Variants in LPCAT2 observed in about 807,000 individuals in gnomAD.
The protein encoded by LPCAT2 is 1-AGP acyltransferase 11.
In LPCAT2, 58 loss-of-function variants were observed where a neutral mutation model predicts 64.7. The ratio of observed to expected loss-of-function variants is 0.90; its 90% CI spans 0.73 to 1.12. The LOEUF (loss-of-function observed/expected upper bound fraction) is 1.12. Ranked by LOEUF, LPCAT2 falls within the 50% of genes most tolerant of loss-of-function variation. The pLI is 0.00. For synonymous variants in LPCAT2, 252 were observed against 245.3 expected (o/e 1.03, Z -0.26); for missense variants, 579 against 669.8 (o/e 0.86, Z 1.50).
intron 1 of LPCAT2, 120 bp downstream of exon 1, chr16:55,509,472 G>A: frequency 9.1e-7 from 1 of 1,095,156 alleles, no homozygotes; most frequent in Non-Finnish European, 1.2e-6. Flanking sequence ...GGGTCTGAGG[G>A]AGTGAGGTGG....
In LPCAT2 at chr16:55,551,040, G is replaced by T. The variant is rs144199464; in HGVS notation, c.1153G>T (p.Ala385Ser). Reference sequence around the variant, plus strand: ...AGGAAGAATTGGAATTGAAGAATTCGCCAAGTATTTAAAGTTGCCTGTTTC... The same window carrying T: ...AGGAAGAATTGGAATTGAAGAATTCTCCAAGTATTTAAAGTTGCCTGTTTC... ...KGGRIGIEEFAKYLKLPVSDV... is the reference protein window; with the variant it reads ...KGGRIGIEEFSKYLKLPVSDV... The change falls in exon 11 of 14, where the codon GCC becomes TCC. Residue 385 changes from alanine to serine, a missense_variant. Physicochemically the swap from Ala to Ser is moderately conservative, Grantham distance 99. Transcript: ENST00000262134. The T allele has an allele frequency of 1.2e-6, 2 of 1,612,832 alleles. No individual in the cohort carries two copies. Among genetic ancestry groups the T allele is most frequent in the Admixed American group, 1.7e-5 (1 of 59,960 alleles).
At chr16:55,577,533 A>T (rs1208696562) in intron 12 of LPCAT2, among the ~76,000 whole-genome samples, 1 of 152,098 alleles carries the variant, frequency 6.6e-6, no homozygotes, top group Non-Finnish European at 1.5e-5. Flanking sequence ...ACCTACCATA[A>T]GACTATTGTG....
In LPCAT2 at chr16:55,532,852, G is replaced by A; in HGVS notation, c.732G>A (p.Gln244=). 3.7e-6 allele frequency: 6 copies of A among 1,612,170 alleles called. No individual in the cohort carries two copies. Among genetic ancestry groups the A allele is most frequent in the Non-Finnish European group, 5.1e-6 (6 of 1,178,766 alleles). ...PGAFIPGVPV[Q]PVLLRYPNKL... ...CCTTCATTCCAGGAGTTCCAGTGCA[G>A]CCAGTCCTCCTCAGATACCCAAACA... is the stretch of plus-strand genomic sequence containing the variant. The change falls in exon 6 of 14, where the codon CAG becomes CAA. Residue 244 remains glutamine (Q), a synonymous_variant. Transcript: ENST00000262134.
intron 13 of LPCAT2, among the ~76,000 whole-genome samples, 184 bp downstream of exon 13, chr16:55,579,428 T>C (rs537427427): frequency 2.0e-5 from 3 of 152,330 alleles, no homozygotes; most frequent in Non-Finnish European, 2.9e-5. Flanking sequence ...TGAGGACTTA[T>C]ATGCTAGGCA....
At chr16:55,542,007 A>G (rs534601108) in intron 8 of LPCAT2, 1 of 1,150,550 alleles carries the variant, frequency 8.7e-7, no homozygotes, top group East Asian at 6.0e-5. Context: ...GGAAAAAATA[A>G]AAGATTGATT....
At chr16:55,546,089 G>A in intron 9 of LPCAT2, among the ~76,000 whole-genome samples, 1 of 152,028 alleles carries the variant, frequency 6.6e-6, no homozygotes, top group East Asian at 1.9e-4. Flanking sequence ...CCTTGCACAG[G>A]GTGGATTCTC....
At position 55,578,828 on chromosome 16, in the gene LPCAT2, G is replaced by A. The variant is rs1037310154; in HGVS notation, c.1315-281G>A. On this transcript the variant is annotated intron_variant, in intron 12 of 13. Coordinates refer to ENST00000262134, the MANE Select transcript of LPCAT2 (RefSeq NM_017839.5). The stretch of plus-strand genomic sequence containing the variant: ...CAACTCAAATGTCAACTCCTATGAA[G>A]CCTTCTTGGACCTCTCTGGGTAGGA... Among the ~76,000 whole-genome samples, 8 of 152,236 alleles carry A rather than the reference G, an allele frequency of 5.3e-5. No homozygotes were observed. The East Asian group carries it at 5.8e-4, about 11-fold the overall frequency.
intron 10 of LPCAT2, among the ~76,000 whole-genome samples, chr16:55,549,675 G>A (rs1051448359): frequency 6.6e-6 from 1 of 152,194 alleles, no homozygotes. Flanking sequence ...CTCAGAGGGA[G>A]TTAGTGGCTC....
intron 6 of LPCAT2, among the ~76,000 whole-genome samples, chr16:55,533,823 G>A (rs1963288494): frequency 6.6e-6 from 1 of 152,110 alleles, no homozygotes; most frequent in East Asian, 1.9e-4. Flanking sequence ...CCTAAAGAAA[G>A]ATTTTTGAGG....
intron 11 of LPCAT2, chr16:55,567,294 G>A: frequency 6.2e-7 from 1 of 1,613,640 alleles, no homozygotes; most frequent in South Asian, 1.1e-5. Context: ...AGCTCTGCAG[G>A]CCGCAGGCTT....
At chr16:55,544,138 C>T (rs924090583) in intron 8 of LPCAT2, among the ~76,000 whole-genome samples, 1 of 152,094 alleles carries the variant, frequency 6.6e-6, no homozygotes, top group Non-Finnish European at 1.5e-5. Flanking sequence ...AAAACTTGGA[C>T]CTGGTCATGT....
intron 1 of LPCAT2, among the ~76,000 whole-genome samples, chr16:55,517,656 T>G (rs559355025): frequency 1.3e-5 from 2 of 152,280 alleles, no homozygotes; most frequent in South Asian, 2.1e-4. Flanking sequence ...CAAAGTCATA[T>G]TTAGCCCAAA....
intron 8 of LPCAT2, among the ~76,000 whole-genome samples, chr16:55,544,374 T>G (rs1963429925): frequency 6.6e-6 from 1 of 152,182 alleles, no homozygotes; most frequent in Admixed American, 6.5e-5. Context: ...ACACAGTAGA[T>G]GTTTAATGGA....
intron 9 of LPCAT2, among the ~76,000 whole-genome samples, chr16:55,546,231 G>T (rs1457224095): frequency 6.6e-6 from 1 of 152,094 alleles, no homozygotes; most frequent in Admixed American, 6.6e-5. Context: ...ATGCATAGAA[G>T]AGGGAAAAAG....
rs557713836 is a variant in LPCAT2 at position 55,557,713 on chromosome 16, G to A, written c.1215+6611G>A. 6.6e-5 allele frequency among the ~76,000 whole-genome samples: 10 copies of A among 151,728 alleles called. No homozygotes were observed. In the South Asian group the frequency reaches 1.7e-3, roughly 25 times the overall value. ...CTTTTCTTATCTTTCCTCAAGTCTA[G>A]TGCTATTGTGGTTGGCATTTGGGGG... On this transcript the variant is annotated intron_variant, in intron 11 of 13. Transcript: ENST00000262134.
intron 7 of LPCAT2, among the ~76,000 whole-genome samples, chr16:55,535,763 C>T (rs755015549): frequency 6.6e-6 from 1 of 152,088 alleles, no homozygotes; most frequent in Admixed American, 6.6e-5. Flanking sequence ...ATCCTTTGGG[C>T]CTTTACAGGT....
rs1244087978 is a variant in LPCAT2, at chr16:55,525,710, T to C, written c.311+63T>C. Reference sequence around the variant, plus strand: ...ATTAAATTAAGATATACTAAATCAATATAAGAAGAGTTCATCATAGTTTAG... The same window carrying C: ...ATTAAATTAAGATATACTAAATCAACATAAGAAGAGTTCATCATAGTTTAG... On this transcript the variant is annotated intron_variant, in intron 2 of 13. Transcript: ENST00000262134. The C allele has an allele frequency of 3.1e-6, 4 of 1,273,760 alleles. No homozygotes were observed. In the African/African-American group the frequency reaches 6.2e-5, roughly 20 times the overall value. The allele number at this position is 1,273,760 out of a possible 1,614,324, so 78.9% of individuals were successfully genotyped here. A position where few individuals can be genotyped will look rare whatever the true frequency, so the allele number is the denominator to read the frequency against.
At chr16:55,531,747 G>T (rs1156321332) in intron 4 of LPCAT2, among the ~76,000 whole-genome samples, 167 bp from the exon 5 acceptor site, 2 of 152,238 alleles carry the variant, frequency 1.3e-5, no homozygotes, top group East Asian at 3.9e-4. Context: ...TTCTTTACAA[G>T]AAAATTGAAT....
At chr16:55,542,823 G>A (rs1408940005) in intron 8 of LPCAT2, among the ~76,000 whole-genome samples, 2 of 152,096 alleles carry the variant, frequency 1.3e-5, no homozygotes, top group African/African-American at 2.4e-5. Flanking sequence ...AGAGATTAGA[G>A]TCATAAGTTT....
Sources: gnomAD v4.1 joint callset for allele counts (sites outside exome capture counted in the v4.1 genomes callset) on GRCh38, gnomAD v4.1.1 for gene constraint, MANE v1.5 for transcripts, NCBI Gene and HGNC (gene_info 2026-07-23, HGNC 2026-07-21) for gene names.